SSH2: variants seen among roughly 807,000 people sequenced by gnomAD.
SSH2 encodes slingshot protein phosphatase 2.
SSH2 carries 37 observed loss-of-function variants against 135.2 expected under a neutral mutation model. The observed-to-expected ratio is 0.27, with a 90% CI of 0.21 to 0.36. The LOEUF (loss-of-function observed/expected upper bound fraction) is 0.36, where lower values mean the gene tolerates loss of function less well. Ranked by LOEUF, SSH2 falls within the 10% of genes least tolerant of loss-of-function variation. The probability of loss-of-function intolerance (pLI) is 1.00; values close to 1 mark genes in which losing one functional copy is unlikely to be tolerated. For synonymous variants in SSH2, 628 were observed against 646.2 expected (o/e 0.97, Z 0.43); for missense variants, 1,408 against 1,765.3 (o/e 0.80, Z 3.63).
intron 3 of SSH2, among the ~76,000 whole-genome samples, chr17:29,771,075 G>A (rs1042868187): frequency 3.9e-5 from 6 of 152,160 alleles, no homozygotes; most frequent in African/African-American, 1.4e-4. Flanking sequence ...TTGAACCTAC[G>A]TCTTCTGATT....
intron 14 of SSH2, among the ~76,000 whole-genome samples, chr17:29,646,701 T>C (rs915431571): frequency 4.6e-5 from 7 of 151,750 alleles, no homozygotes; most frequent in African/African-American, 7.3e-5. Context: ...GGTTTCACCA[T>C]ATTGGCCAGG....
At chr17:29,821,648 A>ATTT (rs778592320) in intron 2 of SSH2, among the ~76,000 whole-genome samples, 14 of 137,488 alleles carry the variant, frequency 1.0e-4, no homozygotes, top group Non-Finnish European at 4.8e-5. Context: ...AACCAAGTCT[A>ATTT]TTTTTTTTTT....
chr17:29,829,986 C>T (rs1419484066), intron 2 of SSH2, among the ~76,000 whole-genome samples: 1 of 151,876 alleles, frequency 6.6e-6, no homozygotes, highest in Non-Finnish European at 1.5e-5. Context: ...ACTACAGGTG[C>T]CCGCCACCTC....
At chr17:29,757,533 C>A (rs1255444844) in intron 3 of SSH2, among the ~76,000 whole-genome samples, 2 of 151,696 alleles carry the variant, frequency 1.3e-5, no homozygotes, top group African/African-American at 4.8e-5. Context: ...ATAAACATGA[C>A]CTCTAAAGTA....
intron 15 of SSH2, among the ~76,000 whole-genome samples, chr17:29,635,622 A>G (rs900137937): frequency 9.4e-5 from 14 of 149,392 alleles, no homozygotes; most frequent in African/African-American, 3.0e-4. Flanking sequence ...GTTAGCCAGG[A>G]TGGTTTCGAT....
At chr17:29,890,613 T>C (rs2066330406) in intron 1 of SSH2, among the ~76,000 whole-genome samples, 1 of 152,066 alleles carries the variant, frequency 6.6e-6, no homozygotes, top group Non-Finnish European at 1.5e-5. Flanking sequence ...AGTGTTTGCT[T>C]AGGATGAGGT....
intron 3 of SSH2, among the ~76,000 whole-genome samples, chr17:29,741,598 A>C (rs529700106): frequency 6.6e-6 from 1 of 151,694 alleles, no homozygotes; most frequent in East Asian, 1.9e-4. Flanking sequence ...ATAGACACGA[A>C]ACAATCCCCC....
intron 3 of SSH2, among the ~76,000 whole-genome samples, chr17:29,736,513 C>T (rs1401366068): frequency 1.3e-5 from 2 of 152,094 alleles, no homozygotes; most frequent in Admixed American, 6.5e-5. Flanking sequence ...TTCGGTTGGG[C>T]GCGGTGGCTC....
At chr17:29,834,224 G>GA (rs1282675557) in intron 2 of SSH2, among the ~76,000 whole-genome samples, 2 of 151,804 alleles carry the variant, frequency 1.3e-5, no homozygotes, top group Non-Finnish European at 2.9e-5. Context: ...CTCAACATTT[G>GA]AAAAAAATAT....
intron 3 of SSH2, among the ~76,000 whole-genome samples, chr17:29,753,447 T>C (rs888204395): frequency 6.6e-6 from 1 of 151,730 alleles, no homozygotes; most frequent in African/African-American, 2.4e-5. Flanking sequence ...CTATTAATGT[T>C]ATTATTGGGG....
At chr17:29,857,557 A>G (rs1409135041) in intron 1 of SSH2, among the ~76,000 whole-genome samples, 1 of 152,118 alleles carries the variant, frequency 6.6e-6, no homozygotes, top group Non-Finnish European at 1.5e-5. Context: ...TGGCATGATC[A>G]TGGCTCACTG....
chr17:29,744,361 G>A (rs2040682440), intron 3 of SSH2, among the ~76,000 whole-genome samples: 1 of 152,160 alleles, frequency 6.6e-6, no homozygotes, highest in Non-Finnish European at 1.5e-5. Context: ...AGGGTTGGCT[G>A]AGGAGCCTGC....
chr17:29,795,369 CTTTT>C, intron 2 of SSH2, among the ~76,000 whole-genome samples: 1 of 152,346 alleles, frequency 6.6e-6, no homozygotes, highest in Middle Eastern at 3.4e-3. Context: ...CTCTGTCTCT[CTTTT>C]TTTATTTTCC....
intron 1 of SSH2, among the ~76,000 whole-genome samples, chr17:29,924,798 T>C (rs919333695): frequency 1.3e-5 from 2 of 152,208 alleles, no homozygotes; most frequent in African/African-American, 4.8e-5. Context: ...GATTTATGTA[T>C]AAAGTAAGAG....
At chr17:29,824,722 CT>C (rs1232203467) in intron 2 of SSH2, among the ~76,000 whole-genome samples, 1 of 152,174 alleles carries the variant, frequency 6.6e-6, no homozygotes, top group Non-Finnish European at 1.5e-5. Flanking sequence ...GCTGTGTCTG[CT>C]ACAGACAACT....
chr17:29,701,338 C>G (rs1289743838), intron 4 of SSH2, among the ~76,000 whole-genome samples: 1 of 151,600 alleles, frequency 6.6e-6, no homozygotes, highest in Non-Finnish European at 1.5e-5. Context: ...AACTCCTGAC[C>G]TCAGGTGATC....
chr17:29,649,915 A>T (rs2036525525), intron 13 of SSH2, among the ~76,000 whole-genome samples: 2 of 152,208 alleles, frequency 1.3e-5, no homozygotes, highest in Admixed American at 1.3e-4. Context: ...TCCTTAAGAG[A>T]AGTGTGAAAT....
At chr17:29,757,888 A>C (rs2041181042) in intron 3 of SSH2, among the ~76,000 whole-genome samples, 1 of 151,870 alleles carries the variant, frequency 6.6e-6, no homozygotes, top group Non-Finnish European at 1.5e-5. Flanking sequence ...TTGGTCTCAA[A>C]AAAAAAAAAT....
chr17:29,808,289 T>A (rs1018720500), intron 2 of SSH2, among the ~76,000 whole-genome samples: 1 of 152,232 alleles, frequency 6.6e-6, no homozygotes, highest in South Asian at 2.1e-4. Flanking sequence ...CCATCACGCC[T>A]GGCTAATTTT....
Sources: allele counts gnomAD v4.1 joint callset (sites outside exome capture counted in the v4.1 genomes callset), GRCh38; gene constraint gnomAD v4.1.1; transcripts MANE v1.5; gene names NCBI Gene and HGNC (gene_info 2026-07-23, HGNC 2026-07-21).